Variants in GATC observed in about 807,000 individuals in gnomAD.
The protein encoded by GATC is glutamyl-tRNA(Gln) amidotransferase subunit C, mitochondrial.
Under a neutral mutation model 14.4 loss-of-function variants are expected in GATC, and 11 were observed. The observed-to-expected ratio is 0.77, with a 90% confidence interval of 0.48 to 1.27. GATC has a LOEUF of 1.27. Among genes scored for constraint, GATC ranks in the 50% most tolerant of loss-of-function variants. The pLI is 0.00. For missense variants in GATC, 204 were observed against 183.0 expected (o/e 1.11, Z -0.66); for synonymous variants, 76 against 79.3 (o/e 0.96, Z 0.22).
In GATC at chr12:120,446,818, C is replaced by T; in HGVS notation, c.243C>T (p.Val81=). Residue 81 remains valine (V), a synonymous_variant, in exon 2 of 4, where the codon GTC becomes GTT. Coordinates refer to ENST00000551765, the MANE Select transcript of GATC (RefSeq NM_176818.3). ...ACGGGGTGGAGCCCATGGAATCGGT[C>T]CTGGAGGACAGGTAAACTCGCGGCT... ...DTDGVEPMES[V]LEDRCLYLRS... 10 of 1,602,612 alleles carry T rather than the reference C, an allele frequency of 6.2e-6. No individual in the cohort carries two copies. Among genetic ancestry groups the T allele is most frequent in the Non-Finnish European group, 8.5e-6 (10 of 1,172,026 alleles).
At chr12:120,459,830 C>T in intron 3 of GATC, 77 bp from the exon 4 acceptor site, 1 of 1,143,434 alleles carries the variant, frequency 8.7e-7, no homozygotes. Context: ...GCACTCCAGC[C>T]TGGGCAACAG....
chr12:120,451,813 T>C (rs889798923), intron 2 of GATC, among the ~76,000 whole-genome samples: 5 of 151,292 alleles, frequency 3.3e-5, no homozygotes, highest in African/African-American at 1.2e-4. Context: ...TAATAACATG[T>C]CATTTGGTTT....
At position 120,463,672 on chromosome 12, in the gene GATC, C is replaced by G. The variant is rs1878416783; in HGVS notation, c.*3713C>G. On this transcript the variant is annotated 3_prime_UTR_variant, in exon 4 of 4. Transcript: ENST00000551765. Reference sequence around the variant, plus strand: ...TATGAAGACCGACTGCACTAGTATTCTCTCCAGGTTACAAATACCATGACC... The same window carrying G: ...TATGAAGACCGACTGCACTAGTATTGTCTCCAGGTTACAAATACCATGACC... 3.6e-6 allele frequency: 1 copy of G among 278,606 alleles called. No homozygotes were observed. Among genetic ancestry groups the G allele is most frequent in the Non-Finnish European group, 6.7e-6 (1 of 148,336 alleles). 17.3% of individuals were successfully genotyped at this position (278,606 alleles called of 1,614,324 possible).
chr12:120,459,641 G>A (rs1379419422), intron 3 of GATC, among the ~76,000 whole-genome samples: 1 of 152,182 alleles, frequency 6.6e-6, no homozygotes, highest in Non-Finnish European at 1.5e-5. Context: ...CGGATCACGA[G>A]GTCAGGAGAT....
At chr12:120,455,727 C>T (rs2137043250) in intron 2 of GATC, among the ~76,000 whole-genome samples, 1 of 152,160 alleles carries the variant, frequency 6.6e-6, no homozygotes, top group Middle Eastern at 3.4e-3. Flanking sequence ...GCTCTGTCGC[C>T]CAGGCTGGAG....
intron 2 of GATC, among the ~76,000 whole-genome samples, chr12:120,452,148 A>T (rs1719337270): frequency 6.6e-6 from 1 of 152,024 alleles, no homozygotes; most frequent in South Asian, 2.1e-4. Flanking sequence ...AAGTGCTGGG[A>T]TTGCAGGCAT....
At chr12:120,448,946 T>G (rs1158942614) in intron 2 of GATC, among the ~76,000 whole-genome samples, 1 of 150,062 alleles carries the variant, frequency 6.7e-6, no homozygotes, top group Non-Finnish European at 1.5e-5. Context: ...TCTTCATTCT[T>G]TTATACTTAG....
intron 3 of GATC, among the ~76,000 whole-genome samples, chr12:120,458,052 TCTCCAGAGAAC>T (rs1878234057): frequency 6.6e-6 from 1 of 151,932 alleles, no homozygotes; most frequent in African/African-American, 2.4e-5. Flanking sequence ...TAAACCCATT[TCTCCAGAGAAC>T]CTGGATACCT....
chr12:120,446,934 A>G, intron 2 of GATC, 105 bp downstream of exon 2: 3 of 1,162,202 alleles, frequency 2.6e-6, no homozygotes, highest in Non-Finnish European at 3.6e-6. Context: ...AGTGTTAGCA[A>G]GATTCAGGAA....
Position 120,462,513 on chromosome 12 carries a change from A to G in GATC, c.*2554A>G, listed in dbSNP as rs1172348016. 1 of 183,740 alleles carries G rather than the reference A, an allele frequency of 5.4e-6. No homozygotes were observed. The highest frequency in any genetic ancestry group is 1.1e-5 in the Non-Finnish European group (1 of 86,974). The allele number at this position is 183,740 out of a possible 1,614,324, so 11.4% of individuals were successfully genotyped here. A position where few individuals can be genotyped will look rare whatever the true frequency, so the allele number is the denominator to read the frequency against. ...AACTGGAAAGGATCTCAGGGGTCAT[A>G]TAGTTTAATCCCCTGCCACCTCATG... On this transcript the variant is annotated 3_prime_UTR_variant, in exon 4 of 4. Transcript: ENST00000551765.
rs116682213 is a variant in GATC at position 120,449,267 on chromosome 12, T to C, written c.254+2438T>C. Reference sequence around the variant, plus strand: ...GCCACTGTGCCTGGCTATACTTAGGTTCTCTACCTGTGGCTCTCGTGATAT... The same window carrying C: ...GCCACTGTGCCTGGCTATACTTAGGCTCTCTACCTGTGGCTCTCGTGATAT... On this transcript the variant is annotated intron_variant, in intron 2 of 3. Transcript: ENST00000551765. Among the ~76,000 whole-genome samples the C allele has an allele frequency of 3.2e-3, 492 of 152,176 alleles. 2 individuals are homozygous for C. The highest frequency in any genetic ancestry group is 0.011 in the African/African-American group (474 of 41,540).
At chr12:120,454,630 T>C (rs965408574) in intron 2 of GATC, among the ~76,000 whole-genome samples, 2 of 151,748 alleles carry the variant, frequency 1.3e-5, no homozygotes, top group Admixed American at 6.6e-5. Flanking sequence ...TCAGCCAGGA[T>C]GGTCTTGATC....
chr12:120,447,610 C>T (rs1321089464), intron 2 of GATC, among the ~76,000 whole-genome samples: 2 of 152,152 alleles, frequency 1.3e-5, no homozygotes, highest in African/African-American at 2.4e-5. Context: ...CCTAACCACT[C>T]CAAATCCCTT....
intron 3 of GATC, among the ~76,000 whole-genome samples, chr12:120,457,601 CCTT>C (rs1340391070): frequency 5.5e-5 from 7 of 128,316 alleles, no homozygotes; most frequent in African/African-American, 1.9e-4. Context: ...CTAAAAGAAT[CCTT>C]TTTTTTTTTT....
In GATC at chr12:120,462,177, AAAAC is replaced by A; in HGVS notation, c.*2222_*2225del. On this transcript the variant is annotated 3_prime_UTR_variant, in exon 4 of 4. Coordinates refer to ENST00000551765, the MANE Select transcript of GATC (RefSeq NM_176818.3). ...GAAGTTTCACCCTGAAATGCAAACAAAAACAAAAAGAGTAAAGGGGAAAAAAATC... is the reference window on the plus strand; with the variant it reads ...GAAGTTTCACCCTGAAATGCAAACAAAAAAAGAGTAAAGGGGAAAAAAATC... 2 of 1,601,290 alleles carry A rather than the reference AAAAC, an allele frequency of 1.2e-6. No individual in the cohort carries two copies. Among genetic ancestry groups the A allele is most frequent in the Non-Finnish European group, 8.5e-7 (1 of 1,174,142 alleles).
intron 2 of GATC, among the ~76,000 whole-genome samples, chr12:120,451,872 A>ATTGTTTTTTTTTT (rs1555219520): frequency 1.1e-5 from 1 of 88,088 alleles, no homozygotes; most frequent in Admixed American, 1.1e-4. Flanking sequence ...AATTATATAA[A>ATTGTTTTTTTTTT]TTCTTTTTTT....
intron 2 of GATC, chr12:120,454,857 CAAAAAAA>C (rs544102647): frequency 5.3e-6 from 1 of 188,206 alleles, no homozygotes; most frequent in East Asian, 1.2e-4. Flanking sequence ...TTGTGTTATT[CAAAAAAA>C]AAAAAAAATC....
chr12:120,458,886 A>C (rs996953873), intron 3 of GATC, among the ~76,000 whole-genome samples: 1 of 152,178 alleles, frequency 6.6e-6, no homozygotes, highest in Non-Finnish European at 1.5e-5. Flanking sequence ...TTTGAGACGG[A>C]GTCTTGCTCT....
At position 120,459,887 on chromosome 12, in the gene GATC, C is replaced by G. The variant is rs754447065; in HGVS notation, c.359-20C>G. On this transcript the variant is annotated intron_variant, in intron 3 of 3. Transcript: ENST00000551765. ...AAACAAACAAACAAACAAAAATTCTCTTTTGTTATTTTCAAACAGGTAATA... is the reference window on the plus strand; with the variant it reads ...AAACAAACAAACAAACAAAAATTCTGTTTTGTTATTTTCAAACAGGTAATA... 1.9e-6 allele frequency: 3 copies of G among 1,600,466 alleles called. No homozygotes were observed.
Sources: gnomAD v4.1 joint callset for allele counts (sites outside exome capture counted in the v4.1 genomes callset) on GRCh38, gnomAD v4.1.1 for gene constraint, MANE v1.5 for transcripts, NCBI Gene and HGNC (gene_info 2026-07-23, HGNC 2026-07-21) for gene names.